The following SLC6A7 variants were observed in gnomAD, a reference collection of about 807,000 sequenced individuals.
SLC6A7 encodes solute carrier family 6 member 7.
Under a neutral mutation model 73.1 loss-of-function variants are expected in SLC6A7, and 58 were observed. The observed-to-expected ratio is 0.79, with a 90% CI of 0.64 to 0.99. The LOEUF is 0.99. SLC6A7 is among the 50% of genes least tolerant of loss of function. The pLI is 0.00. For synonymous variants in SLC6A7, 338 were observed against 338.7 expected (o/e 1.00, Z 0.02); for missense variants, 783 against 831.4 (o/e 0.94, Z 0.72).
At chr5:150,206,207 T>C (rs369433875) in intron 13 of SLC6A7, among the ~76,000 whole-genome samples, 4 of 152,246 alleles carry the variant, frequency 2.6e-5, no homozygotes, top group African/African-American at 9.6e-5. Context: ...CTCTGAACAC[T>C]GAGGCCAGCA....
intron 13 of SLC6A7, among the ~76,000 whole-genome samples, chr5:150,205,988 C>T (rs1289400008): frequency 6.6e-6 from 1 of 152,184 alleles, no homozygotes; most frequent in East Asian, 1.9e-4. Flanking sequence ...AGGCTATCAC[C>T]CTACTCCCGT....
At position 150,201,231 on chromosome 5, in the gene SLC6A7, C is replaced by T. The variant is rs767688106; in HGVS notation, c.858+8C>T. The T allele has an allele frequency of 1.9e-6, 3 of 1,600,138 alleles. No homozygotes were observed. The highest frequency in any genetic ancestry group is 2.6e-6 in the Non-Finnish European group (3 of 1,172,986). The stretch of plus-strand genomic sequence containing the variant: ...CACTTGTTGTCTTCCAAGGTGAGCC[C>T]CTCAGGGCGGGGTGCAGAGGGAGGG... On this transcript the variant is annotated splice_region_variant and intron_variant, in intron 6 of 13. Transcript: ENST00000230671.
At chr5:150,199,400 C>G (rs1409851046) in intron 5 of SLC6A7, 34 bp downstream of exon 5, 1 of 1,536,430 alleles carries the variant, frequency 6.5e-7, no homozygotes, top group Non-Finnish European at 9.0e-7. Context: ...GCCTGAGGGG[C>G]TGGATGGGGT....
chr5:150,198,052 A>G (rs564992153), intron 4 of SLC6A7, among the ~76,000 whole-genome samples: 48 of 35,872 alleles, frequency 1.3e-3, no homozygotes, highest in African/African-American at 5.2e-3. Context: ...GAAGAAAGAG[A>G]AAGAAAGAAA....
intron 4 of SLC6A7, 131 bp from the exon 5 acceptor site, chr5:150,199,097 G>T: frequency 7.9e-7 from 1 of 1,271,054 alleles, no homozygotes; most frequent in African/African-American, 1.5e-5. Context: ...GTCGGAGAAG[G>T]ATGGAGAGGG....
intron 5 of SLC6A7, among the ~76,000 whole-genome samples, chr5:150,200,499 A>T (rs1158649682): frequency 6.6e-6 from 1 of 152,218 alleles, no homozygotes; most frequent in Non-Finnish European, 1.5e-5. Flanking sequence ...TCTCAAAAAA[A>T]AGAAAAAAGA....
intron 4 of SLC6A7, 85 bp from the exon 5 acceptor site, chr5:150,199,143 C>T: frequency 6.8e-7 from 1 of 1,475,450 alleles, no homozygotes; most frequent in Non-Finnish European, 9.0e-7. Flanking sequence ...AGCAGTAGAG[C>T]CTTGTGGGCT....
intron 12 of SLC6A7, 123 bp from the exon 13 acceptor site, chr5:150,205,333 G>A (rs577972326): frequency 1.3e-5 from 10 of 752,106 alleles, no homozygotes; most frequent in African/African-American, 1.2e-4. Flanking sequence ...GTACAGCTTA[G>A]GATCCTGGGT....
intron 4 of SLC6A7, among the ~76,000 whole-genome samples, chr5:150,198,811 G>GGT (rs774414750): frequency 0.18 from 20,141 of 110,930 alleles, 1,578 homozygotes; most frequent in East Asian, 0.23. Flanking sequence ...GGCCCTGGAT[G>GGT]GTGTGTGTGT....
intron 13 of SLC6A7, among the ~76,000 whole-genome samples, chr5:150,207,690 T>A (rs1416302661): frequency 6.6e-6 from 1 of 152,214 alleles, no homozygotes. Flanking sequence ...TTCCCACCTG[T>A]GTGACCTTGG....
rs1752711641 is a variant in SLC6A7, at chr5:150,190,260, G to C, written c.-68G>C. 5 of 1,361,258 alleles carry C rather than the reference G, an allele frequency of 3.7e-6. No individual in the cohort carries two copies. Among genetic ancestry groups the C allele is most frequent in the Non-Finnish European group, 4.0e-6 (4 of 1,004,422 alleles). 84.3% of individuals were successfully genotyped at this position (1,361,258 alleles called of 1,614,324 possible). On this transcript the variant is annotated 5_prime_UTR_variant, in exon 1 of 14. Coordinates refer to ENST00000230671, the MANE Select transcript of SLC6A7 (RefSeq NM_014228.5). ...CGGGGGCAAAGGCGCAGTGGCCAGC[G>C]GACCATCTCTCGTGCCCTCGCTCTC...
chr5:150,208,661 C>T (rs1327021300), intron 13 of SLC6A7, among the ~76,000 whole-genome samples: 1 of 152,222 alleles, frequency 6.6e-6, no homozygotes, highest in Admixed American at 6.5e-5. Flanking sequence ...GGAACCTGCC[C>T]AGTGGGCTGC....
At chr5:150,200,640 G>A (rs1254882729) in intron 5 of SLC6A7, among the ~76,000 whole-genome samples, 1 of 152,218 alleles carries the variant, frequency 6.6e-6, no homozygotes, top group Non-Finnish European at 1.5e-5. Context: ...AAAAGACAGG[G>A]TAGAAACCAT....
intron 8 of SLC6A7, 138 bp downstream of exon 8, chr5:150,202,841 A>T: frequency 1.1e-6 from 1 of 929,452 alleles, no homozygotes; most frequent in Non-Finnish European, 1.6e-6. Flanking sequence ...TTGGGAGGCC[A>T]AGGTGGGCGG....
chr5:150,201,881 T>C (rs1251778392), intron 6 of SLC6A7, among the ~76,000 whole-genome samples: 2 of 152,188 alleles, frequency 1.3e-5, no homozygotes, highest in Non-Finnish European at 2.9e-5. Flanking sequence ...AAGTAGGCAC[T>C]ATTCCTATCC....
In SLC6A7 at chr5:150,201,190, C is replaced by T. The variant is rs1310481188; in HGVS notation, c.825C>T (p.Leu275=). The T allele has an allele frequency of 6.2e-7, 1 of 1,613,378 alleles. No homozygotes were observed. The highest frequency in any genetic ancestry group is 1.7e-5 in the Admixed American group (1 of 59,926). The stretch of plus-strand genomic sequence containing the variant: ...CCTGGAAGGGCATCCAGTTCTATCT[C>T]ACCCCCCAGTTCCACCACTTGTTGT... ...PGAWKGIQFY[L]TPQFHHLLSS... The change falls in exon 6 of 14, where the codon CTC becomes CTT. Residue 275 remains leucine (L), a synonymous_variant. Transcript: ENST00000230671.
At chr5:150,198,059 GA>G (rs1166884327) in intron 4 of SLC6A7, among the ~76,000 whole-genome samples, 1 of 67,152 alleles carries the variant, frequency 1.5e-5, no homozygotes, top group South Asian at 4.6e-4. Flanking sequence ...GAGAAAGAAA[GA>G]AAGAAAGAAA....
chr5:150,200,333 A>G (rs993157055), intron 5 of SLC6A7, among the ~76,000 whole-genome samples: 3 of 152,128 alleles, frequency 2.0e-5, no homozygotes, highest in Admixed American at 6.5e-5. Context: ...TCTCTACTAA[A>G]AATACAAAAA....
chr5:150,199,696 T>C (rs1753270443), intron 5 of SLC6A7, among the ~76,000 whole-genome samples: 8 of 152,186 alleles, frequency 5.3e-5, no homozygotes, highest in Admixed American at 5.2e-4. Flanking sequence ...TAGGGGGCTC[T>C]TTGAGATGCA....
Sources: allele counts gnomAD v4.1 joint callset (sites outside exome capture counted in the v4.1 genomes callset), GRCh38; gene constraint gnomAD v4.1.1; transcripts MANE v1.5; gene names NCBI Gene and HGNC (gene_info 2026-07-23, HGNC 2026-07-21).